PSD2: variants seen among roughly 807,000 people sequenced by gnomAD.
PSD2 encodes the protein pleckstrin and Sec7 domain containing 2, also known as PH and SEC7 domain-containing protein 2.
A neutral mutation model predicts 69.8 loss-of-function variants in PSD2; 38 were observed. The ratio of observed to expected loss-of-function variants is 0.54; its 90% CI spans 0.42 to 0.71. The LOEUF (loss-of-function observed/expected upper bound fraction) is 0.71. PSD2 is among the 30% of genes least tolerant of loss of function. PSD2 has a pLI of 0.00. For synonymous variants in PSD2, 412 were observed against 423.0 expected (o/e 0.97, Z 0.32); for missense variants, 943 against 1,014.5 (o/e 0.93, Z 0.96).
intron 2 of PSD2, among the ~76,000 whole-genome samples, chr5:139,810,737 TG>T (rs1345704094): frequency 6.6e-6 from 1 of 152,178 alleles, no homozygotes; most frequent in Admixed American, 6.5e-5. Flanking sequence ...GGGTGTGCCA[TG>T]GCCCTAAGAG....
chr5:139,813,775 G>T lies in PSD2; in HGVS notation c.821+17G>T, dbSNP rs368653867. Reference sequence around the variant, plus strand: ...CTCAGCCAGGTGAGGCAGGGCCCAGGCTGGGAGAACCACCGAGCAGATGGG... The same window carrying T: ...CTCAGCCAGGTGAGGCAGGGCCCAGTCTGGGAGAACCACCGAGCAGATGGG... On this transcript the variant is annotated intron_variant, in intron 3 of 14. Coordinates refer to ENST00000274710, the MANE Select transcript of PSD2 (RefSeq NM_032289.4). 1.3e-6 allele frequency: 2 copies of T among 1,582,348 alleles called. No homozygotes were observed. The highest frequency in any genetic ancestry group is 8.6e-7 in the Non-Finnish European group (1 of 1,162,860).
the PSD2 span, among the ~76,000 whole-genome samples, chr5:139,758,381 C>T: frequency 6.6e-6 from 1 of 152,090 alleles, no homozygotes; most frequent in Non-Finnish European, 1.5e-5. Context: ...AAGAATAGTG[C>T]ACAGTGAGTG....
At chr5:139,785,675 G>A in the PSD2 span, among the ~76,000 whole-genome samples, 1 of 152,082 alleles carries the variant, frequency 6.6e-6, no homozygotes, top group Non-Finnish European at 1.5e-5. Flanking sequence ...GTGTTTTTTT[G>A]TTTACTGATA....
At chr5:139,796,684 G>A (rs115467414) in intron 1 of PSD2, among the ~76,000 whole-genome samples, 420 of 152,324 alleles carry the variant, frequency 2.8e-3, no homozygotes, top group African/African-American at 9.8e-3. Context: ...GGAGGAGGAG[G>A]TATTCAGCTG....
chr5:139,762,499 CCTAT>C, the PSD2 span, among the ~76,000 whole-genome samples: 1 of 152,214 alleles, frequency 6.6e-6, no homozygotes, highest in Non-Finnish European at 1.5e-5. Context: ...CACCACAATG[CCTAT>C]CTAAGTAAAG....
chr5:139,822,536 G>A (rs1232214506), intron 6 of PSD2, among the ~76,000 whole-genome samples, 190 bp from the exon 7 acceptor site: 1 of 152,224 alleles, frequency 6.6e-6, no homozygotes, highest in Admixed American at 6.5e-5. Flanking sequence ...GGCTCCTGGG[G>A]CAGGCAAGTG....
chr5:139,761,147 G>A, the PSD2 span, among the ~76,000 whole-genome samples: 1 of 152,186 alleles, frequency 6.6e-6, no homozygotes, highest in Non-Finnish European at 1.5e-5. Context: ...AGTCCCTGCT[G>A]CGTGCCAGGC....
upstream of PSD2, among the ~76,000 whole-genome samples, chr5:139,792,154 C>T (rs1188291793): frequency 6.9e-5 from 9 of 129,722 alleles, no homozygotes; most frequent in Admixed American, 3.7e-4. Context: ...GGGCCTTCAT[C>T]TTGGGGTCGT....
chr5:139,819,040 T>A (rs1760191619), intron 5 of PSD2, among the ~76,000 whole-genome samples: 1 of 152,226 alleles, frequency 6.6e-6, no homozygotes, highest in African/African-American at 2.4e-5. Context: ...TCTGTTTCTA[T>A]TGTCTCTTTT....
intron 1 of PSD2, among the ~76,000 whole-genome samples, chr5:139,802,222 A>G (rs1561591554): frequency 6.6e-6 from 1 of 151,814 alleles, no homozygotes; most frequent in Non-Finnish European, 1.5e-5. Flanking sequence ...GGAGGCAGAG[A>G]AGGAGAGGAG....
At chr5:139,782,901 G>C in the PSD2 span, among the ~76,000 whole-genome samples, 24 of 152,228 alleles carry the variant, frequency 1.6e-4, no homozygotes, top group Non-Finnish European at 2.6e-4. Context: ...AGTGATATTA[G>C]GTACCCTCAA....
chr5:139,779,653 G>C, the PSD2 span, among the ~76,000 whole-genome samples: 7 of 152,182 alleles, frequency 4.6e-5, no homozygotes, highest in Non-Finnish European at 1.0e-4. Flanking sequence ...ACTCTATCAA[G>C]ATATGGAATA....
the PSD2 span, among the ~76,000 whole-genome samples, chr5:139,754,937 T>A: frequency 2.0e-5 from 3 of 151,916 alleles, no homozygotes; most frequent in African/African-American, 7.3e-5. Flanking sequence ...GGAGCCAAGG[T>A]GTGTATGTGT....
At chr5:139,792,859 T>TTTCCTTCCTTCCTTCCTTCC (rs141834556), upstream of PSD2, among the ~76,000 whole-genome samples, 160 of 107,874 alleles carry the variant, frequency 1.5e-3, no homozygotes, top group South Asian at 3.4e-3. Context: ...TCTTTCTGTC[T>TTTCCTTCCTTCCTTCCTTCC]TTCCTTCCTT....
At chr5:139,807,895 C>A (rs571317637) in intron 1 of PSD2, among the ~76,000 whole-genome samples, 18 of 152,338 alleles carry the variant, frequency 1.2e-4, no homozygotes, top group African/African-American at 4.3e-4. Context: ...ATACCCCTTC[C>A]CTGTAGCTTC....
intron 1 of PSD2, among the ~76,000 whole-genome samples, chr5:139,797,611 C>T (rs1759563622): frequency 6.6e-6 from 1 of 152,228 alleles, no homozygotes; most frequent in African/African-American, 2.4e-5. Flanking sequence ...GAAGGAATGA[C>T]TTCCTGCTCT....
intron 2 of PSD2, among the ~76,000 whole-genome samples, chr5:139,812,331 T>G (rs568049009): frequency 1.3e-5 from 2 of 152,128 alleles, no homozygotes; most frequent in East Asian, 3.9e-4. Flanking sequence ...GAAGGAGGGC[T>G]TTAGCTGGGG....
At chr5:139,822,701 G>T in intron 6 of PSD2, 25 bp from the exon 7 acceptor site, 1 of 1,602,606 alleles carries the variant, frequency 6.2e-7, no homozygotes. Context: ...TCCTCGCACT[G>T]AGAGTGCCAC....
At chr5:139,792,911 T>C (rs28564027), upstream of PSD2, among the ~76,000 whole-genome samples, 173 of 90,858 alleles carry the variant, frequency 1.9e-3, 1 homozygote, top group African/African-American at 4.6e-3. Context: ...TCCTTCCTTC[T>C]TTCTTTCTTT....
Sources: gnomAD v4.1 joint callset for allele counts (sites outside exome capture counted in the v4.1 genomes callset) on GRCh38, gnomAD v4.1.1 for gene constraint, MANE v1.5 for transcripts, NCBI Gene and HGNC (gene_info 2026-07-23, HGNC 2026-07-21) for gene names.